The following NLGN4X variants were observed in gnomAD, a reference collection of about 807,000 sequenced individuals.
NLGN4X encodes the protein neuroligin 4 X-linked, also known as neuroligin-4, X-linked.
In NLGN4X, 3 loss-of-function variants were observed where a neutral mutation model predicts 40.3. The observed-to-expected ratio is 0.07, with a 90% CI of 0.03 to 0.19. The LOEUF (loss-of-function observed/expected upper bound fraction) is 0.19. Ranked by LOEUF, NLGN4X falls within the 10% of genes least tolerant of loss-of-function variation. NLGN4X has a pLI of 1.00. For synonymous variants in NLGN4X, 270 were observed against 306.8 expected (o/e 0.88, Z 1.25); for missense variants, 382 against 708.3 (o/e 0.54, Z 5.23).
At chrX:6,103,648 C>T (rs1320153146) in intron 2 of NLGN4X, among the ~76,000 whole-genome samples, 1 of 111,899 alleles carries the variant, frequency 8.9e-6, no homozygotes, top group African/African-American at 3.2e-5. Flanking sequence ...ATTCTACCAT[C>T]ATTACATAGA....
At position 6,049,227 on chromosome X, in the gene NLGN4X, A is replaced by AAGGGGAAGGG. The variant is rs1569207590; in HGVS notation, c.473-19796_473-19795insCCCTTCCCCT. 8.4e-3 allele frequency among the ~76,000 whole-genome samples: 81 copies of AAGGGGAAGGG among 9,593 alleles called. 23 individuals carry two copies. The highest frequency in any genetic ancestry group is 0.01 in the Non-Finnish European group (51 of 4,952). The allele number at this position is 9,593 out of a possible 115,157, so 8.3% of individuals were successfully genotyped here. On this transcript the variant is annotated intron_variant, in intron 2 of 5. Transcript: ENST00000381095. Reference sequence around the variant, plus strand: ...TGGTCATTTAAGCTCCAGGCCAGGAAAGGGGAGGGGAGGGGAGGGGAGGGG... The same window carrying AAGGGGAAGGG: ...TGGTCATTTAAGCTCCAGGCCAGGAAAGGGGAAGGGAGGGGAGGGGAGGGGAGGGGAGGGG...
chrX:6,216,422 A>G (rs1301442667), intron 1 of NLGN4X, among the ~76,000 whole-genome samples: 1 of 111,904 alleles, frequency 8.9e-6, no homozygotes, highest in Non-Finnish European at 1.9e-5. Flanking sequence ...GCCACAACTG[A>G]CCACTACATG....
At chrX:6,225,048 CGTGT>C (rs1264150595) in intron 1 of NLGN4X, among the ~76,000 whole-genome samples, 10 of 77,155 alleles carry the variant, frequency 1.3e-4, no homozygotes, top group African/African-American at 4.6e-4. Context: ...ATGTAGAATG[CGTGT>C]GTGTATGTCT....
At chrX:6,154,084 G>A (rs2040214878) in intron 1 of NLGN4X, among the ~76,000 whole-genome samples, 1 of 111,872 alleles carries the variant, frequency 8.9e-6, no homozygotes, top group Non-Finnish European at 1.9e-5. Flanking sequence ...ATTCTTTGTT[G>A]TGGGGGCGTC....
intron 1 of NLGN4X, among the ~76,000 whole-genome samples, chrX:6,202,641 G>A (rs1306858515): frequency 3.6e-5 from 4 of 111,010 alleles, no homozygotes; most frequent in South Asian, 3.9e-4. Context: ...CTCTGAAAAC[G>A]TCTTGATAAT....
chrX:6,211,288 G>A (rs1474089913), intron 1 of NLGN4X, among the ~76,000 whole-genome samples: 1 of 111,536 alleles, frequency 9.0e-6, no homozygotes, highest in Non-Finnish European at 1.9e-5. Context: ...AATGAAGAAT[G>A]CCCAATTTGA....
At chrX:6,064,966 C>T (rs1321797080) in intron 2 of NLGN4X, among the ~76,000 whole-genome samples, 1 of 111,469 alleles carries the variant, frequency 9.0e-6, no homozygotes, top group Non-Finnish European at 1.9e-5. Context: ...TTTGAAGCAA[C>T]AAGAGTGCAG....
intron 2 of NLGN4X, among the ~76,000 whole-genome samples, chrX:6,121,412 T>A (rs1333577881): frequency 9.0e-6 from 1 of 111,289 alleles, no homozygotes; most frequent in African/African-American, 3.3e-5. Flanking sequence ...AAGCCAAAAA[T>A]AAAAACACAC....
intron 3 of NLGN4X, among the ~76,000 whole-genome samples, chrX:5,995,669 C>A (rs2035797821): frequency 8.9e-6 from 1 of 112,217 alleles, no homozygotes; most frequent in South Asian, 3.7e-4. Flanking sequence ...TCTAAGGAGT[C>A]CTTCTCAATG....
rs1019560618 is a variant in NLGN4X at position 6,068,817 on chromosome X, C to T, written c.473-39385G>A. 2.7e-5 allele frequency among the ~76,000 whole-genome samples: 3 copies of T among 111,076 alleles called. No homozygotes were observed. The Admixed American group carries it at 2.9e-4, about 11-fold the overall frequency. ...AATCACATCCCTCACCTAAAAGCAA[C>T]GACGTATTTGAACACTCCATTGCAA... On this transcript the variant is annotated intron_variant, in intron 2 of 5. Coordinates refer to ENST00000381095, the MANE Select transcript of NLGN4X (RefSeq NM_181332.3).
intron 3 of NLGN4X, among the ~76,000 whole-genome samples, chrX:5,944,606 T>C (rs1462366223): frequency 2.1e-5 from 2 of 96,734 alleles, no homozygotes; most frequent in East Asian, 6.3e-4. Context: ...TATGATGGTG[T>C]CACTGTGCTT....
chrX:5,925,845 CATACACAT>C (rs2033254391), intron 3 of NLGN4X, among the ~76,000 whole-genome samples: 1 of 36,443 alleles, frequency 2.7e-5, no homozygotes, highest in African/African-American at 1.7e-4. Context: ...TATATATATA[CATACACAT>C]ATATATATAT....
At chrX:6,114,521 AACACACACACACACACAC>A (rs529608747) in intron 2 of NLGN4X, among the ~76,000 whole-genome samples, 1 of 95,663 alleles carries the variant, frequency 1.0e-5, no homozygotes, top group South Asian at 5.2e-4. Flanking sequence ...CAAAGTGGCA[AACACACACACACACACAC>A]ACACACACAC....
chrX:5,942,269 TAAATAA>T (rs770694252), intron 3 of NLGN4X, among the ~76,000 whole-genome samples: 3 of 109,459 alleles, frequency 2.7e-5, no homozygotes, highest in African/African-American at 1.0e-4. Flanking sequence ...AAAGAATAAA[TAAATAA>T]AAATAAAAAT....
intron 3 of NLGN4X, among the ~76,000 whole-genome samples, chrX:5,964,284 T>C (rs1394475246): frequency 1.8e-5 from 2 of 111,878 alleles, no homozygotes; most frequent in Non-Finnish European, 3.8e-5. Flanking sequence ...GTGTCTGACA[T>C]AGATAATTAA....
intron 5 of NLGN4X, among the ~76,000 whole-genome samples, chrX:5,898,679 C>G (rs923296071): frequency 9.0e-6 from 1 of 111,499 alleles, no homozygotes; most frequent in Non-Finnish European, 1.9e-5. Flanking sequence ...GTGACAGACA[C>G]GCTGGGAGCT....
intron 3 of NLGN4X, among the ~76,000 whole-genome samples, chrX:6,006,448 T>C (rs914796021): frequency 1.8e-5 from 2 of 111,282 alleles, no homozygotes; most frequent in African/African-American, 6.5e-5. Context: ...AATTTTATTA[T>C]AAACCAAGTA....
intron 2 of NLGN4X, among the ~76,000 whole-genome samples, chrX:6,141,926 C>T (rs1264933687): frequency 1.8e-5 from 2 of 111,824 alleles, no homozygotes; most frequent in Admixed American, 9.5e-5. Context: ...TAATTGACAA[C>T]AAATAAGACT....
At chrX:5,969,297 A>G (rs1007102903) in intron 3 of NLGN4X, among the ~76,000 whole-genome samples, 4 of 111,889 alleles carry the variant, frequency 3.6e-5, no homozygotes, top group Non-Finnish European at 5.6e-5. Flanking sequence ...TAACATCCAG[A>G]ATCTACAATT....
Sources: gnomAD v4.1 joint callset for allele counts (sites outside exome capture counted in the v4.1 genomes callset) on GRCh38, gnomAD v4.1.1 for gene constraint, MANE v1.5 for transcripts, NCBI Gene and HGNC (gene_info 2026-07-23, HGNC 2026-07-21) for gene names.